The following IL16 variants were observed in gnomAD, a reference collection of about 807,000 sequenced individuals.
The protein encoded by IL16 is interleukin 16.
In IL16, 67 loss-of-function variants were observed where a neutral mutation model predicts 110.1. The ratio of observed to expected loss-of-function variants is 0.61; its 90% CI spans 0.50 to 0.75. IL16 has a LOEUF of 0.75. IL16 is among the 30% of genes least tolerant of loss of function. IL16 has a pLI of 0.00. For synonymous variants in IL16, 689 were observed against 662.9 expected (o/e 1.04, Z -0.61); for missense variants, 1,545 against 1,655.0 (o/e 0.93, Z 1.15).
chr15:81,227,362 A>C (rs1896823318), intron 2 of IL16, among the ~76,000 whole-genome samples: 1 of 152,164 alleles, frequency 6.6e-6, no homozygotes, highest in Non-Finnish European at 1.5e-5. Context: ...TTTTATTGAA[A>C]AGGTAATCAC....
At chr15:81,218,196 T>C (rs1470997546) in intron 1 of IL16, among the ~76,000 whole-genome samples, 1 of 152,056 alleles carries the variant, frequency 6.6e-6, no homozygotes, top group Admixed American at 6.6e-5. Context: ...TATACAAAAG[T>C]CACTTATGTA....
At chr15:81,248,707 T>TTTTC (rs201348965) in intron 2 of IL16, among the ~76,000 whole-genome samples, 3,110 of 130,350 alleles carry the variant, frequency 0.024, 70 homozygotes, top group Non-Finnish European at 0.029. Flanking sequence ...CTGTGATTTT[T>TTTTC]TTTCTTTCTT....
intron 4 of IL16, among the ~76,000 whole-genome samples, chr15:81,266,512 GCA>G (rs1028766722): frequency 3.3e-5 from 5 of 152,128 alleles, no homozygotes; most frequent in Non-Finnish European, 7.4e-5. Flanking sequence ...CAGATATAAA[GCA>G]CAGTGTACCC....
chr15:81,237,838 T>G (rs572444314), intron 2 of IL16, among the ~76,000 whole-genome samples: 2 of 152,040 alleles, frequency 1.3e-5, no homozygotes, highest in African/African-American at 4.8e-5. Flanking sequence ...GGCATATAAT[T>G]GGGTCATTTA....
At chr15:81,307,025 C>G (rs544218067) in intron 18 of IL16, among the ~76,000 whole-genome samples, 1 of 152,308 alleles carries the variant, frequency 6.6e-6, no homozygotes, top group South Asian at 2.1e-4. Flanking sequence ...TAGTCCTGGA[C>G]ACGTCAGCTC....
At chr15:81,225,220 C>G in intron 1 of IL16, 79 bp from the exon 2 acceptor site, 1 of 1,229,416 alleles carries the variant, frequency 8.1e-7, no homozygotes, top group Non-Finnish European at 1.1e-6. Context: ...GAACCCGTGG[C>G]TCAGATCCAG....
At chr15:81,282,090 C>CCT (rs1899206111) in intron 8 of IL16, among the ~76,000 whole-genome samples, 1 of 152,170 alleles carries the variant, frequency 6.6e-6, no homozygotes, top group African/African-American at 2.4e-5. Flanking sequence ...GCGCTTGATC[C>CCT]CTCTCTCTCA....
intron 1 of IL16, among the ~76,000 whole-genome samples, chr15:81,199,571 G>T (rs1309054613): frequency 2.0e-5 from 3 of 152,208 alleles, no homozygotes; most frequent in Non-Finnish European, 2.9e-5. Flanking sequence ...CTGAGTCTTG[G>T]CATGTGCAGC....
intron 1 of IL16, among the ~76,000 whole-genome samples, chr15:81,218,753 C>G (rs2142014869): frequency 6.6e-6 from 1 of 152,206 alleles, no homozygotes; most frequent in East Asian, 1.9e-4. Flanking sequence ...CTATTTTATG[C>G]TTTTTCAGCT....
intron 1 of IL16, among the ~76,000 whole-genome samples, chr15:81,212,344 T>C (rs1896279214): frequency 6.6e-6 from 1 of 152,166 alleles, no homozygotes; most frequent in South Asian, 2.1e-4. Flanking sequence ...TCAGTTATAA[T>C]ACCATCTTTA....
At chr15:81,267,242 G>C (rs1440223939) in intron 4 of IL16, among the ~76,000 whole-genome samples, 2 of 152,208 alleles carry the variant, frequency 1.3e-5, no homozygotes, top group Non-Finnish European at 2.9e-5. Flanking sequence ...CTAAAGATCA[G>C]CCAGTAGTAG....
intron 9 of IL16, among the ~76,000 whole-genome samples, chr15:81,283,337 A>T (rs1255855108): frequency 6.7e-6 from 1 of 149,146 alleles, no homozygotes; most frequent in Non-Finnish European, 1.5e-5. Context: ...ATAAAGCCCC[A>T]CAGGTGCCTC....
rs779772622 is a variant in IL16 at position 81,259,898 on chromosome 15, A to G, written c.421+18A>G. 3 of 1,456,838 alleles carry G rather than the reference A, an allele frequency of 2.1e-6. No individual in the cohort carries two copies. Among genetic ancestry groups the G allele is most frequent in the Non-Finnish European group, 2.9e-6 (3 of 1,036,454 alleles). 90.2% of individuals were successfully genotyped at this position (1,456,838 alleles called of 1,614,324 possible). ...CTCAACCAGTAAGTGTCTTCCCAACATGTCTTCAGGAACAGAGCTCAGCTG... is the reference window on the plus strand; with the variant it reads ...CTCAACCAGTAAGTGTCTTCCCAACGTGTCTTCAGGAACAGAGCTCAGCTG... On this transcript the variant is annotated intron_variant, in intron 3 of 18. Coordinates refer to ENST00000683961, the MANE Select transcript of IL16 (RefSeq NM_172217.5).
At chr15:81,287,190 G>A (rs1899490954) in intron 10 of IL16, among the ~76,000 whole-genome samples, 1 of 152,210 alleles carries the variant, frequency 6.6e-6, no homozygotes, top group Admixed American at 6.5e-5. Flanking sequence ...GGGTAAGAGA[G>A]GGAGGAACCG....
chr15:81,256,169 TTGAA>T (rs543375361), intron 2 of IL16, among the ~76,000 whole-genome samples: 54 of 152,284 alleles, frequency 3.5e-4, no homozygotes, highest in African/African-American at 1.3e-3. Context: ...TAAACATTTG[TTGAA>T]TGAATGAGTG....
intron 14 of IL16, among the ~76,000 whole-genome samples, chr15:81,301,099 G>C (rs901941774): frequency 6.6e-6 from 1 of 152,158 alleles, no homozygotes; most frequent in African/African-American, 2.4e-5. Flanking sequence ...CCTGCTGTAG[G>C]GCTGGGGCTT....
chr15:81,201,853 GT>G (rs1285199139), intron 1 of IL16, among the ~76,000 whole-genome samples: 1 of 152,126 alleles, frequency 6.6e-6, no homozygotes, highest in East Asian at 1.9e-4. Context: ...AGCATGTTTT[GT>G]TTTCCAATTC....
chr15:81,230,317 T>A (rs1181285763), intron 2 of IL16, among the ~76,000 whole-genome samples: 1 of 152,202 alleles, frequency 6.6e-6, no homozygotes, highest in Non-Finnish European at 1.5e-5. Context: ...TATTTTTAAA[T>A]GCCCTTTAAG....
intron 2 of IL16, among the ~76,000 whole-genome samples, chr15:81,251,912 A>G (rs1897781760): frequency 6.6e-6 from 1 of 152,184 alleles, no homozygotes; most frequent in East Asian, 1.9e-4. Flanking sequence ...ATTTCTTAGT[A>G]ACATAATGCT....
Sources: allele counts gnomAD v4.1 joint callset (sites outside exome capture counted in the v4.1 genomes callset), GRCh38; gene constraint gnomAD v4.1.1; transcripts MANE v1.5; gene names NCBI Gene and HGNC (gene_info 2026-07-23, HGNC 2026-07-21).